The following MRTFB variants were observed in gnomAD, a reference collection of about 807,000 sequenced individuals.
MRTFB encodes the protein myocardin-related transcription factor B.
In MRTFB, 29 loss-of-function variants were observed where a neutral mutation model predicts 104.2. The observed-to-expected ratio is 0.28, with a 90% CI of 0.21 to 0.38. The LOEUF is 0.38. Among genes scored for constraint, MRTFB ranks in the 10% least tolerant of loss-of-function variants. The probability of loss-of-function intolerance (pLI) is 1.00; values close to 1 mark genes in which losing one functional copy is unlikely to be tolerated. For synonymous variants in MRTFB, 535 were observed against 519.5 expected (o/e 1.03, Z -0.41); for missense variants, 1,270 against 1,341.6 (o/e 0.95, Z 0.83).
chr16:14,064,562 C>T, the MRTFB span, among the ~76,000 whole-genome samples: 1 of 152,048 alleles, frequency 6.6e-6, no homozygotes, highest in Non-Finnish European at 1.5e-5. Context: ...AATGGTATTT[C>T]CTAGGTTTTC....
At chr16:14,093,679 T>C (rs2035209094) in intron 2 of MRTFB, among the ~76,000 whole-genome samples, 1 of 152,202 alleles carries the variant, frequency 6.6e-6, no homozygotes, top group Non-Finnish European at 1.5e-5. Context: ...ACTAAAACTT[T>C]GTATATTTTG....
chr16:14,096,539 G>T (rs538484687), intron 2 of MRTFB, among the ~76,000 whole-genome samples: 1 of 151,456 alleles, frequency 6.6e-6, no homozygotes, highest in East Asian at 1.9e-4. Context: ...TTGCAGGGGA[G>T]AAAAGATAAT....
chr16:14,221,954 G>A (rs903465363), intron 8 of MRTFB, among the ~76,000 whole-genome samples: 33 of 151,820 alleles, frequency 2.2e-4, no homozygotes, highest in Non-Finnish European at 7.4e-5. Context: ...GCTAATTTTT[G>A]TATTTTTGTA....
chr16:14,187,964 C>G (rs1215840706), intron 3 of MRTFB, among the ~76,000 whole-genome samples: 3 of 152,180 alleles, frequency 2.0e-5, no homozygotes, highest in Non-Finnish European at 4.4e-5. Flanking sequence ...CTCGCTCTTG[C>G]CCGTCTTATA....
At chr16:14,240,842 G>T (rs1385771838) in intron 10 of MRTFB, 1 of 662,020 alleles carries the variant, frequency 1.5e-6, no homozygotes, top group African/African-American at 1.8e-5. Flanking sequence ...AGAAGGATGG[G>T]CATGAAAGCT....
intron 3 of MRTFB, among the ~76,000 whole-genome samples, chr16:14,189,124 C>T (rs1227327403): frequency 6.6e-6 from 1 of 152,038 alleles, no homozygotes; most frequent in Non-Finnish European, 1.5e-5. Flanking sequence ...ACATTAAGGA[C>T]GATTTGCTGC....
At chr16:14,074,091 C>T (rs1484930817) in intron 1 of MRTFB, among the ~76,000 whole-genome samples, 1 of 151,780 alleles carries the variant, frequency 6.6e-6, no homozygotes, top group East Asian at 1.9e-4. Flanking sequence ...AGACGAGTTG[C>T]TTCTTGATGT....
At chr16:14,082,223 G>A (rs986778922) in intron 2 of MRTFB, among the ~76,000 whole-genome samples, 9 of 152,080 alleles carry the variant, frequency 5.9e-5, no homozygotes, top group Non-Finnish European at 7.4e-5. Context: ...TGTATATGGC[G>A]TGAGATAAAG....
intron 2 of MRTFB, among the ~76,000 whole-genome samples, chr16:14,115,635 A>G (rs1021259766): frequency 2.0e-5 from 3 of 152,200 alleles, no homozygotes; most frequent in Non-Finnish European, 2.9e-5. Context: ...GCAGTACCCC[A>G]TAATCAAACA....
upstream of MRTFB, among the ~76,000 whole-genome samples, chr16:14,071,119 C>A (rs2033655518): frequency 6.6e-6 from 1 of 152,162 alleles, no homozygotes; most frequent in Non-Finnish European, 1.5e-5. Context: ...CCGCCTCGCA[C>A]CTGGGCTTTA....
chr16:14,087,420 G>GGA (rs2034784823), intron 2 of MRTFB, among the ~76,000 whole-genome samples: 1 of 152,160 alleles, frequency 6.6e-6, no homozygotes, highest in Non-Finnish European at 1.5e-5. Flanking sequence ...CTTGAGTTGA[G>GGA]GAGAGGGAGT....
chr16:14,083,779 G>A (rs1190100105), intron 2 of MRTFB, among the ~76,000 whole-genome samples: 1 of 152,164 alleles, frequency 6.6e-6, no homozygotes, highest in Non-Finnish European at 1.5e-5. Context: ...TTTAGGAATG[G>A]ATAGTTGTTC....
the MRTFB span, among the ~76,000 whole-genome samples, chr16:14,049,714 T>C: frequency 6.6e-6 from 1 of 152,234 alleles, no homozygotes; most frequent in African/African-American, 2.4e-5. Context: ...AATGTCCTGT[T>C]CTTAGGAGAT....
intron 10 of MRTFB, among the ~76,000 whole-genome samples, chr16:14,242,061 C>A (rs1252407417): frequency 6.6e-6 from 1 of 151,644 alleles, no homozygotes; most frequent in Non-Finnish European, 1.5e-5. Context: ...TGCTTAAAAC[C>A]GTGCATCATC....
At chr16:14,090,141 A>G (rs924843847) in intron 2 of MRTFB, among the ~76,000 whole-genome samples, 15 of 152,098 alleles carry the variant, frequency 9.9e-5, no homozygotes, top group Non-Finnish European at 1.9e-4. Flanking sequence ...TGGTGTTTTA[A>G]TTTTGATGAA....
chr16:14,043,861 T>A, the MRTFB span, among the ~76,000 whole-genome samples: 5 of 152,192 alleles, frequency 3.3e-5, no homozygotes, highest in Non-Finnish European at 4.4e-5. Context: ...AGACGTAATC[T>A]TGCCTCTAAG....
At position 14,262,337 on chromosome 16, in the gene MRTFB, C is replaced by T. The variant is rs143659439; in HGVS notation, c.*893C>T. On this transcript the variant is annotated 3_prime_UTR_variant, in exon 17 of 17. Coordinates refer to ENST00000571589, the MANE Select transcript of MRTFB (RefSeq NM_001308142.2). ...GAATATTTCTAGAGTACTTGAGCCA[C>T]ATGTATTTCTGTATTTAAAGAATTG... The T allele has an allele frequency of 6.6e-6, 1 of 152,280 alleles. No homozygotes were observed. The highest frequency in any genetic ancestry group is 1.9e-4 in the East Asian group (1 of 5,190). The allele number at this position is 152,280 out of a possible 1,614,324, so 9.4% of individuals were successfully genotyped here.
chr16:14,000,464 G>A, the MRTFB span, among the ~76,000 whole-genome samples: 69 of 152,328 alleles, frequency 4.5e-4, no homozygotes, highest in African/African-American at 1.5e-3. Context: ...GTCAAGGGCC[G>A]GGGTCTCCCC....
chr16:14,085,575 C>G (rs1351606187), intron 2 of MRTFB, among the ~76,000 whole-genome samples: 1 of 151,284 alleles, frequency 6.6e-6, no homozygotes, highest in Admixed American at 6.6e-5. Flanking sequence ...TGACCATATA[C>G]CACCAAGACC....
Sources: gnomAD v4.1 joint callset for allele counts (sites outside exome capture counted in the v4.1 genomes callset) on GRCh38, gnomAD v4.1.1 for gene constraint, MANE v1.5 for transcripts, NCBI Gene and HGNC (gene_info 2026-07-23, HGNC 2026-07-21) for gene names.